Variants in ZNF131 observed in about 807,000 individuals in gnomAD.
ZNF131 encodes the protein zinc finger protein 131.
A neutral mutation model predicts 60.0 loss-of-function variants in ZNF131; 7 were observed. The observed-to-expected ratio is 0.12, with a 90% CI of 0.07 to 0.22. The LOEUF is 0.22. ZNF131 is among the 10% of genes least tolerant of loss of function. The pLI is 1.00. For synonymous variants in ZNF131, 257 were observed against 253.2 expected, an observed-to-expected ratio of 1.01 and a Z score of -0.14; for missense variants, 493 against 740.9, an observed-to-expected ratio of 0.67 and a Z score of 3.88.
At position 43,175,257 on chromosome 5, in the gene ZNF131, C is replaced by G; in HGVS notation, c.*124C>G. 1.0e-6 allele frequency: 1 copy of G among 1,004,784 alleles called. No homozygotes were observed. The highest frequency in any genetic ancestry group is 1.4e-6 in the Non-Finnish European group (1 of 697,148). The allele number at this position is 1,004,784 out of a possible 1,614,324, so 62.2% of individuals were successfully genotyped here. A position where few individuals can be genotyped will look rare whatever the true frequency, so the allele number is the denominator to read the frequency against. ...CAAAGTTAAGCTGTTTCCTGTTGTG[C>G]TGAACTGTTGTCCGTTGAAACACAT... On this transcript the variant is annotated 3_prime_UTR_variant, in exon 7 of 7. Coordinates refer to ENST00000682664, the MANE Select transcript of ZNF131 (RefSeq NM_001330707.2).
In ZNF131 at chr5:43,174,541, T is replaced by C. The variant is rs760130185; in HGVS notation, c.1280T>C (p.Leu427Ser). The change falls in exon 7 of 7, where the codon TTG becomes TCG. Residue 427 changes from leucine to serine, a missense_variant. Transcript: ENST00000682664. ...DKPNHCTLCD[L>S]WFMQGNELRR... ...CCCAACCATTGTACTTTATGTGATT[T>C]GTGGTTTATGCAAGGAAATGAATTA... The C allele has an allele frequency of 2.5e-6, 4 of 1,599,674 alleles. No homozygotes were observed. The highest frequency in any genetic ancestry group is 3.4e-6 in the Non-Finnish European group (4 of 1,172,582).
At chr5:43,144,853 TC>T (rs1747376408) in intron 4 of ZNF131, among the ~76,000 whole-genome samples, 2 of 151,700 alleles carry the variant, frequency 1.3e-5, no homozygotes, top group Non-Finnish European at 2.9e-5. Context: ...TGGAATGCCA[TC>T]TGTCTGCTTG....
chr5:43,129,771 C>T (rs1348244778), intron 3 of ZNF131, among the ~76,000 whole-genome samples: 1 of 152,132 alleles, frequency 6.6e-6, no homozygotes, highest in Non-Finnish European at 1.5e-5. Context: ...TCTCCTGCCT[C>T]AGCCTCCCCA....
rs1749681960 is a variant in ZNF131 at position 43,161,419 on chromosome 5, A to G, written c.542A>G (p.Asp181Gly). 1 of 1,614,148 alleles carries G rather than the reference A, an allele frequency of 6.2e-7. No individual in the cohort carries two copies. Among genetic ancestry groups the G allele is most frequent in the African/African-American group, 1.3e-5 (1 of 74,952 alleles). The change falls in exon 5 of 7, where the codon GAT becomes GGT. Residue 181 changes from aspartate (D) to glycine (G), a missense_variant. This residue lies in a region of ZNF131 where 138 missense variants were observed against 158.7 expected (regional missense o/e 0.87). Transcript: ENST00000682664. ...GCCGAAGGCACCATTGAAGTGGAAGATGAAGGCATCGAAACATTAGAGGAA... is the reference window on the plus strand; with the variant it reads ...GCCGAAGGCACCATTGAAGTGGAAGGTGAAGGCATCGAAACATTAGAGGAA... ...EIAEGTIEVE[D>G]EGIETLEEVA...
chr5:43,174,001 G>A (rs945497420), intron 6 of ZNF131, among the ~76,000 whole-genome samples: 1 of 152,190 alleles, frequency 6.6e-6, no homozygotes, highest in Non-Finnish European at 1.5e-5. Context: ...GCCGAGGCGG[G>A]TGGATTGCCT....
chr5:43,153,531 G>A (rs1748593186), intron 4 of ZNF131, among the ~76,000 whole-genome samples: 1 of 148,496 alleles, frequency 6.7e-6, no homozygotes, highest in South Asian at 2.1e-4. Context: ...TGTGATCTCA[G>A]CTACTTAGGC....
chr5:43,169,424 C>T lies in ZNF131; in HGVS notation c.1055-3894C>T, dbSNP rs1020609221. On this transcript the variant is annotated intron_variant, in intron 5 of 6. Coordinates refer to ENST00000682664, the MANE Select transcript of ZNF131 (RefSeq NM_001330707.2). ...TCAGGTAGATCTCTTGAAGTAACTA[C>T]TGCTATCCTTTTCTGATTTATCAGA... Among the ~76,000 whole-genome samples, 5 of 152,234 alleles carry T rather than the reference C, an allele frequency of 3.3e-5. No homozygotes were observed. In the South Asian group the frequency reaches 6.2e-4, roughly 19 times the overall value.
At position 43,121,071 on chromosome 5, in the gene ZNF131, CG is replaced by C. The variant is rs967280146; in HGVS notation, c.-66del. On this transcript the variant is annotated 5_prime_UTR_variant, in exon 1 of 7. It introduces an in-frame stop codon into an upstream open reading frame of the 5' UTR. Transcript: ENST00000682664. ...CATTATGCCCTGGGAGGGGAAAGCA[CG>C]GAACAAGAGGCTCTGAGGGACGGAG... The C allele has an allele frequency of 2.0e-5, 3 of 150,814 alleles. No individual in the cohort carries two copies. Among genetic ancestry groups the C allele is most frequent in the African/African-American group, 7.4e-5 (3 of 40,802 alleles). 9.3% of individuals were successfully genotyped at this position (150,814 alleles called of 1,614,324 possible).
At chr5:43,145,854 A>C (rs1304905467) in intron 4 of ZNF131, among the ~76,000 whole-genome samples, 1 of 152,140 alleles carries the variant, frequency 6.6e-6, no homozygotes, top group Non-Finnish European at 1.5e-5. Context: ...TCTAGTAGTT[A>C]TTTGTGTTAC....
chr5:43,138,631 A>G (rs1286750404), intron 3 of ZNF131, among the ~76,000 whole-genome samples: 1 of 152,148 alleles, frequency 6.6e-6, no homozygotes, highest in Non-Finnish European at 1.5e-5. Flanking sequence ...CCTGGGCAAC[A>G]AGAGTGAAAC....
At chr5:43,133,596 G>T (rs1479906231) in intron 3 of ZNF131, among the ~76,000 whole-genome samples, 1 of 152,208 alleles carries the variant, frequency 6.6e-6, no homozygotes, top group Non-Finnish European at 1.5e-5. Flanking sequence ...TCCTGAAGTA[G>T]TTTACAGTCA....
intron 3 of ZNF131, 21 bp downstream of exon 3, chr5:43,123,331 TTTTA>T: frequency 6.4e-7 from 1 of 1,566,188 alleles, no homozygotes; most frequent in African/African-American, 1.4e-5. Context: ...CTTGTTGTTT[TTTTA>T]TTTAATAAAT....
chr5:43,121,944 C>T (rs1743897610), intron 1 of ZNF131, 95 bp from the exon 2 acceptor site: 3 of 1,332,342 alleles, frequency 2.3e-6, no homozygotes, highest in African/African-American at 3.0e-5. Flanking sequence ...CTTCTTTTCA[C>T]GTTGCTGGTT....
chr5:43,172,628 A>AC, intron 5 of ZNF131, among the ~76,000 whole-genome samples: 1 of 152,176 alleles, frequency 6.6e-6, no homozygotes, highest in South Asian at 2.1e-4. Flanking sequence ...AAAAAAAAAA[A>AC]AAAACCCTAA....
At chr5:43,139,344 T>C (rs1746516097) in intron 4 of ZNF131, 35 bp downstream of exon 4, 1 of 1,548,924 alleles carries the variant, frequency 6.5e-7, no homozygotes, top group Non-Finnish European at 8.7e-7. Context: ...CAGATAGTCA[T>C]ATTCAGTCAT....
intron 4 of ZNF131, among the ~76,000 whole-genome samples, chr5:43,156,002 A>G (rs1392532060): frequency 6.6e-6 from 1 of 152,194 alleles, no homozygotes; most frequent in Non-Finnish European, 1.5e-5. Flanking sequence ...TGACCTCACC[A>G]CTAGCGGCAA....
At chr5:43,169,276 G>C (rs1209879195) in intron 5 of ZNF131, among the ~76,000 whole-genome samples, 1 of 152,162 alleles carries the variant, frequency 6.6e-6, no homozygotes, top group African/African-American at 2.4e-5. Context: ...ATTGAAAACT[G>C]TACTGTCCAC....
At position 43,141,223 on chromosome 5, in the gene ZNF131, A is replaced by G. The variant is rs552795599; in HGVS notation, c.371+1914A>G. ...AACATTTGTGAATAGATAGATGGAT[A>G]CATGCTAATTAAAACCAGATCAGTA... On this transcript the variant is annotated intron_variant, in intron 4 of 6. Transcript: ENST00000682664. Among the ~76,000 whole-genome samples, 7 of 152,304 alleles carry G rather than the reference A, an allele frequency of 4.6e-5. No individual in the cohort carries two copies. In the East Asian group the frequency reaches 1.3e-3, roughly 29 times the overall value.
intron 4 of ZNF131, among the ~76,000 whole-genome samples, chr5:43,159,902 C>T (rs989941929): frequency 3.3e-5 from 5 of 151,878 alleles, no homozygotes; most frequent in Non-Finnish European, 4.4e-5. Flanking sequence ...AGGCTGGGCG[C>T]GGTGGCCCAC....
Sources: allele counts gnomAD v4.1 joint callset (sites outside exome capture counted in the v4.1 genomes callset), GRCh38; gene constraint gnomAD v4.1.1; regional missense constraint gnomAD v4.1.1; transcripts MANE v1.5; gene names NCBI Gene and HGNC (gene_info 2026-07-23, HGNC 2026-07-21).